Variants in EBF2 observed in about 807,000 individuals in gnomAD.
The protein encoded by EBF2 is transcription factor COE2.
In EBF2, 21 loss-of-function variants were observed where a neutral mutation model predicts 72.8. That is an observed-to-expected ratio of 0.29 (90% CI 0.20 to 0.42). The LOEUF (loss-of-function observed/expected upper bound fraction) is 0.42, where lower values mean the gene tolerates loss of function less well. EBF2 is among the 10% of genes least tolerant of loss of function. EBF2 has a pLI of 1.00. For missense variants in EBF2, 637 were observed against 731.2 expected, an observed-to-expected ratio of 0.87 and a Z score of 1.49; for synonymous variants, 299 against 274.2, an observed-to-expected ratio of 1.09 and a Z score of -0.89.
At chr8:25,967,281 A>G (rs542007421) in intron 6 of EBF2, among the ~76,000 whole-genome samples, 1 of 152,208 alleles carries the variant, frequency 6.6e-6, no homozygotes, top group Non-Finnish European at 1.5e-5. Flanking sequence ...TACAAAGAAA[A>G]ACGGAGCTCT....
At chr8:26,033,267 G>T in intron 5 of EBF2, 114 bp from the exon 6 acceptor site, 2 of 1,004,714 alleles carry the variant, frequency 2.0e-6, no homozygotes, top group South Asian at 1.3e-5. Flanking sequence ...CTGTCACCAG[G>T]CTGTAGTACA....
At chr8:26,005,293 A>ATTATATATAATTATATAATTATAT (rs1378946857) in intron 6 of EBF2, among the ~76,000 whole-genome samples, 1 of 2,326 alleles carries the variant, frequency 4.3e-4, no homozygotes, top group African/African-American at 1.3e-3. Flanking sequence ...ATAATTATAT[A>ATTATATATAATTATATAATTATAT]ATTATATATA....
At position 25,843,140 on chromosome 8, in the gene EBF2, G is replaced by C. The variant is rs17054430; in HGVS notation, c.*1469C>G. The C allele has an allele frequency of 0.28, 41,953 of 152,162 alleles. 6,011 individuals carry two copies. The highest frequency in any genetic ancestry group is 0.4 in the South Asian group (1,935 of 4,820). 9.4% of individuals were successfully genotyped at this position (152,162 alleles called of 1,614,324 possible). A position where few individuals can be genotyped will look rare whatever the true frequency, so the allele number is the denominator to read the frequency against. On this transcript the variant is annotated 3_prime_UTR_variant, in exon 16 of 16. Transcript: ENST00000520164. The stretch of plus-strand genomic sequence containing the variant: ...GATGAAGAGCCCATCAAAGGGCTGG[G>C]TAACTGTGCTGCATAGAACGCAGAT...
At chr8:26,041,248 G>A in intron 2 of EBF2, 1 of 567,676 alleles carries the variant, frequency 1.8e-6, no homozygotes. Context: ...AATGTCCTCA[G>A]AAGTGTGACC....
intron 6 of EBF2, among the ~76,000 whole-genome samples, chr8:26,027,618 G>T (rs1476643539): frequency 8.2e-3 from 3 of 366 alleles, no homozygotes; most frequent in African/African-American, 0.035. Flanking sequence ...CCACTTCTGG[G>T]TATGTTCCCC....
At chr8:26,000,601 G>A (rs577774342) in intron 6 of EBF2, among the ~76,000 whole-genome samples, 1 of 152,282 alleles carries the variant, frequency 6.6e-6, no homozygotes, top group East Asian at 1.9e-4. Flanking sequence ...TATTTCATAA[G>A]GATGTGTGCA....
intron 6 of EBF2, among the ~76,000 whole-genome samples, chr8:25,968,456 C>T (rs900660164): frequency 1.3e-5 from 2 of 152,176 alleles, no homozygotes; most frequent in African/African-American, 2.4e-5. Flanking sequence ...TATAATCCCA[C>T]TCACATGAGG....
At chr8:25,971,064 G>T (rs747862623) in intron 6 of EBF2, among the ~76,000 whole-genome samples, 49 of 152,048 alleles carry the variant, frequency 3.2e-4, no homozygotes, top group Non-Finnish European at 5.6e-4. Flanking sequence ...TGAACTCCTG[G>T]GCTCAAGAGA....
intron 6 of EBF2, among the ~76,000 whole-genome samples, chr8:25,948,269 G>A (rs1027650085): frequency 6.6e-6 from 1 of 152,148 alleles, no homozygotes; most frequent in African/African-American, 2.4e-5. Context: ...CAGCGCAAGG[G>A]CTCTGTGGAT....
chr8:26,036,436 T>C (rs1405268124), intron 5 of EBF2, among the ~76,000 whole-genome samples: 2 of 152,196 alleles, frequency 1.3e-5, no homozygotes, highest in Non-Finnish European at 2.9e-5. Flanking sequence ...CACTTGGCCA[T>C]TGAACTATAA....
At chr8:25,927,633 G>C (rs568306149) in intron 6 of EBF2, among the ~76,000 whole-genome samples, 1 of 152,194 alleles carries the variant, frequency 6.6e-6, no homozygotes, top group East Asian at 1.9e-4. Context: ...AACCTCACAG[G>C]AGCTTCCCTC....
chr8:25,989,211 T>C (rs573283152), intron 6 of EBF2, among the ~76,000 whole-genome samples: 5 of 152,294 alleles, frequency 3.3e-5, no homozygotes, highest in Non-Finnish European at 7.4e-5. Context: ...AAGGATGAAT[T>C]AAATGTGACT....
At chr8:25,934,629 G>A (rs960734900) in intron 6 of EBF2, among the ~76,000 whole-genome samples, 7 of 152,016 alleles carry the variant, frequency 4.6e-5, no homozygotes, top group East Asian at 1.9e-4. Context: ...CCTATTCACC[G>A]GTCTCTGCAT....
Position 26,044,296 on chromosome 8 carries a change from A to G in EBF2, c.131+433T>C, listed in dbSNP as rs914686374. 1.3e-5 allele frequency among the ~76,000 whole-genome samples: 2 copies of G among 152,072 alleles called. No individual in the cohort carries two copies. The highest frequency in any genetic ancestry group is 4.8e-5 in the African/African-American group (2 of 41,420). On this transcript the variant is annotated intron_variant, in intron 1 of 15. Transcript: ENST00000520164. The surrounding 1 kb of genome is among the most constrained non-coding windows in gnomAD (Gnocchi z 4.1). The stretch of plus-strand genomic sequence containing the variant: ...AATCGCCCAGCAAGATGCGGGAGGT[A>G]GGCGCTCGCAGGCGGCGTGGCGAAG...
At chr8:25,928,998 C>G (rs561824635) in intron 6 of EBF2, among the ~76,000 whole-genome samples, 1 of 152,228 alleles carries the variant, frequency 6.6e-6, no homozygotes, top group South Asian at 2.1e-4. Flanking sequence ...GCCTCTATCT[C>G]CACACTCAAT....
intron 15 of EBF2, among the ~76,000 whole-genome samples, chr8:25,846,233 ATTTTAT>A (rs889072065): frequency 7.1e-6 from 1 of 139,904 alleles, no homozygotes; most frequent in African/African-American, 2.6e-5. Flanking sequence ...AGGTTTTTTT[ATTTTAT>A]TTTTTTTTTC....
At chr8:25,942,816 C>T (rs547709787) in intron 6 of EBF2, among the ~76,000 whole-genome samples, 9 of 152,292 alleles carry the variant, frequency 5.9e-5, no homozygotes, top group Non-Finnish European at 1.2e-4. Flanking sequence ...CTCCTCCTTC[C>T]TTGGCACCAT....
At chr8:25,960,838 C>T (rs1399003524) in intron 6 of EBF2, among the ~76,000 whole-genome samples, 1 of 152,182 alleles carries the variant, frequency 6.6e-6, no homozygotes, top group Non-Finnish European at 1.5e-5. Context: ...TTAATGAAGT[C>T]CACTTAAAGG....
chr8:25,948,487 C>T (rs1222087072), intron 6 of EBF2, among the ~76,000 whole-genome samples: 1 of 152,154 alleles, frequency 6.6e-6, no homozygotes, highest in East Asian at 1.9e-4. Context: ...TCTAATTATA[C>T]CCTATTTGAC....
Sources: gnomAD v4.1 joint callset for allele counts (sites outside exome capture counted in the v4.1 genomes callset) on GRCh38, gnomAD v4.1.1 for gene constraint, Gnocchi (gnomAD v3.1) non-coding constraint, MANE v1.5 for transcripts, NCBI Gene and HGNC (gene_info 2026-07-23, HGNC 2026-07-21) for gene names.